Variants in FARS2 observed in about 807,000 individuals in gnomAD.
FARS2 encodes the protein phenylalanine--tRNA ligase, mitochondrial.
A neutral mutation model predicts 46.4 loss-of-function variants in FARS2; 40 were observed. The observed-to-expected ratio is 0.86, with a 90% CI of 0.67 to 1.12. FARS2 has a LOEUF of 1.12. FARS2 is among the 50% of genes most tolerant of loss of function. The pLI, the probability that FARS2 is intolerant of heterozygous loss-of-function variation, is 0.00. For missense variants in FARS2, 513 were observed against 567.9 expected, an observed-to-expected ratio of 0.90 and a Z score of 0.98; for synonymous variants, 234 against 214.9, an observed-to-expected ratio of 1.09 and a Z score of -0.78.
chr6:5,398,387 A>T (rs773528727), intron 2 of FARS2, among the ~76,000 whole-genome samples: 1 of 152,160 alleles, frequency 6.6e-6, no homozygotes, highest in Admixed American at 6.5e-5. Flanking sequence ...GTTATAACCT[A>T]TTACTAAAAT....
intron 6 of FARS2, among the ~76,000 whole-genome samples, chr6:5,700,021 C>T (rs1192405647): frequency 1.3e-5 from 2 of 152,156 alleles, no homozygotes; most frequent in East Asian, 3.8e-4. Flanking sequence ...CTCCAGTCCC[C>T]GAACGCTCTA....
intron 5 of FARS2, among the ~76,000 whole-genome samples, chr6:5,564,901 A>C (rs1243880908): frequency 1.3e-5 from 2 of 152,228 alleles, no homozygotes; most frequent in Middle Eastern, 3.2e-3. Context: ...CAGACAAGGC[A>C]TGAGGCCAGT....
intron 6 of FARS2, among the ~76,000 whole-genome samples, chr6:5,666,074 T>C (rs1019886604): frequency 4.6e-5 from 7 of 152,146 alleles, no homozygotes; most frequent in Non-Finnish European, 1.0e-4. Flanking sequence ...GCATAGCAGG[T>C]CTAGCGTACC....
At chr6:5,356,838 A>G (rs1757963645) in intron 1 of FARS2, among the ~76,000 whole-genome samples, 1 of 152,158 alleles carries the variant, frequency 6.6e-6, no homozygotes, top group South Asian at 2.1e-4. Flanking sequence ...CGGACGGCAT[A>G]TGTATTATTT....
chr6:5,352,752 C>T (rs1757654269), intron 1 of FARS2, among the ~76,000 whole-genome samples: 1 of 151,848 alleles, frequency 6.6e-6, no homozygotes, highest in African/African-American at 2.4e-5. Flanking sequence ...TCCTTCCCTT[C>T]CTCCCTTCTT....
intron 6 of FARS2, among the ~76,000 whole-genome samples, chr6:5,762,015 T>C (rs1762503317): frequency 1.3e-5 from 2 of 152,140 alleles, no homozygotes. Context: ...CAACTTGCAT[T>C]TCTAGTAATA....
intron 6 of FARS2, among the ~76,000 whole-genome samples, chr6:5,681,788 C>T (rs1044415475): frequency 6.6e-6 from 1 of 152,168 alleles, no homozygotes; most frequent in Non-Finnish European, 1.5e-5. Flanking sequence ...TGCTTCTCCC[C>T]CTCCCTTCCT....
At chr6:5,371,552 T>C (rs1254759847) in intron 2 of FARS2, among the ~76,000 whole-genome samples, 4 of 152,134 alleles carry the variant, frequency 2.6e-5, no homozygotes, top group African/African-American at 7.2e-5. Flanking sequence ...TTTTGTATTT[T>C]GAAAAATAGT....
intron 5 of FARS2, among the ~76,000 whole-genome samples, chr6:5,549,235 G>T (rs1364836642): frequency 1.3e-5 from 2 of 151,626 alleles, no homozygotes; most frequent in Admixed American, 6.6e-5. Context: ...ACAACGTGCA[G>T]GTTTGTTACA....
At chr6:5,695,651 C>T (rs1358497477) in intron 6 of FARS2, among the ~76,000 whole-genome samples, 3 of 152,106 alleles carry the variant, frequency 2.0e-5, no homozygotes, top group African/African-American at 7.2e-5. Context: ...AGTAATGGAC[C>T]CAGCCTCTCC....
chr6:5,399,809 G>A (rs536678176), intron 2 of FARS2, among the ~76,000 whole-genome samples: 35 of 152,066 alleles, frequency 2.3e-4, no homozygotes, highest in African/African-American at 2.7e-4. Context: ...GATCTTCCTC[G>A]TTCTTTATTA....
At chr6:5,440,908 C>A (rs1408093462) in intron 4 of FARS2, among the ~76,000 whole-genome samples, 5 of 148,080 alleles carry the variant, frequency 3.4e-5, no homozygotes, top group African/African-American at 7.4e-5. Context: ...TTGGCTCAGT[C>A]CATTTTCTTT....
intron 1 of FARS2, among the ~76,000 whole-genome samples, chr6:5,297,104 C>T (rs1767947853): frequency 6.6e-6 from 1 of 151,522 alleles, no homozygotes; most frequent in South Asian, 2.1e-4. Flanking sequence ...TTCACTGTTA[C>T]AACAGCGGAG....
intron 4 of FARS2, among the ~76,000 whole-genome samples, chr6:5,431,478 T>C (rs1047030636): frequency 1.3e-5 from 2 of 152,216 alleles, no homozygotes; most frequent in Non-Finnish European, 2.9e-5. Flanking sequence ...CCAAAGACAT[T>C]TGCTGCATGT....
chr6:5,402,387 G>A (rs1168633511), intron 2 of FARS2, among the ~76,000 whole-genome samples: 1 of 78,820 alleles, frequency 1.3e-5, no homozygotes, highest in Non-Finnish European at 2.6e-5. Context: ...GTGCTCCTTA[G>A]TTTTGGGGGG....
At chr6:5,625,434 G>A (rs1400124918) in intron 6 of FARS2, among the ~76,000 whole-genome samples, 2 of 152,200 alleles carry the variant, frequency 1.3e-5, no homozygotes, top group Non-Finnish European at 2.9e-5. Flanking sequence ...CATAACTGAG[G>A]CTTGAGTAGC....
At chr6:5,420,212 C>T (rs758362825) in intron 3 of FARS2, among the ~76,000 whole-genome samples, 1 of 152,124 alleles carries the variant, frequency 6.6e-6, no homozygotes, top group Admixed American at 6.5e-5. Context: ...TCCCACTGTG[C>T]CCCTCCCACA....
intron 5 of FARS2, among the ~76,000 whole-genome samples, chr6:5,570,570 G>T (rs964693496): frequency 1.3e-5 from 2 of 152,110 alleles, no homozygotes; most frequent in Non-Finnish European, 2.9e-5. Flanking sequence ...TTCCCAATTA[G>T]CACCTTGTTA....
At chr6:5,591,005 A>C (rs1232287383) in intron 5 of FARS2, among the ~76,000 whole-genome samples, 1 of 152,166 alleles carries the variant, frequency 6.6e-6, no homozygotes, top group Non-Finnish European at 1.5e-5. Flanking sequence ...AATTATGCAT[A>C]TCAATCACAT....
Sources: allele counts gnomAD v4.1 joint callset (sites outside exome capture counted in the v4.1 genomes callset), GRCh38; gene constraint gnomAD v4.1.1; transcripts MANE v1.5; gene names NCBI Gene and HGNC (gene_info 2026-07-23, HGNC 2026-07-21).